The following ROBO1 variants were observed in gnomAD, a reference collection of about 807,000 sequenced individuals.
ROBO1 encodes the protein roundabout guidance receptor 1, also known as roundabout homolog 1.
A neutral mutation model predicts 195.9 loss-of-function variants in ROBO1; 149 were observed. That is an observed-to-expected ratio of 0.76 (90% CI 0.67 to 0.87). The LOEUF (loss-of-function observed/expected upper bound fraction) is 0.87, where lower values mean the gene tolerates loss of function less well. Among genes scored for constraint, ROBO1 ranks in the 40% least tolerant of loss-of-function variants. The pLI is 0.00. For synonymous variants in ROBO1, 816 were observed against 733.2 expected (o/e 1.11, Z -1.82); for missense variants, 1,933 against 2,068.3 (o/e 0.93, Z 1.27).
chr3:79,764,707 C>T (rs1273781204), intron 1 of ROBO1, among the ~76,000 whole-genome samples: 1 of 152,210 alleles, frequency 6.6e-6, no homozygotes, highest in Non-Finnish European at 1.5e-5. Context: ...TAGCTAAGCA[C>T]AACACTACTT....
chr3:79,197,293 G>T (rs2081656457), intron 2 of ROBO1, among the ~76,000 whole-genome samples: 1 of 151,884 alleles, frequency 6.6e-6, no homozygotes, highest in Non-Finnish European at 1.5e-5. Flanking sequence ...GAAGGGTTTG[G>T]TTTTCTGTCC....
chr3:79,377,025 T>C (rs977572233), intron 2 of ROBO1, among the ~76,000 whole-genome samples: 10 of 150,142 alleles, frequency 6.7e-5, no homozygotes, highest in African/African-American at 2.5e-4. Context: ...AGCAAATATA[T>C]AGCAGAGCTC....
rs549335625 is a variant in ROBO1 at position 79,699,580 on chromosome 3, T to C, written c.-51+68172A>G. Among the ~76,000 whole-genome samples, 4 of 151,822 alleles carry C rather than the reference T, an allele frequency of 2.6e-5. No homozygotes were observed. In the East Asian group the frequency reaches 5.8e-4, roughly 22 times the overall value. The stretch of plus-strand genomic sequence containing the variant: ...CCTACCAGGGGTACAATTTTTGCAA[T>C]TATCCTGAGTCCATAGGTGAGGATT... On this transcript the variant is annotated intron_variant, in intron 1 of 30. Transcript: ENST00000464233.
intron 5 of ROBO1, among the ~76,000 whole-genome samples, chr3:78,727,393 G>A (rs1485646299): frequency 2.6e-5 from 4 of 152,094 alleles, no homozygotes; most frequent in Admixed American, 1.3e-4. Context: ...CTGGGAGGCC[G>A]AGGCGGGCGG....
At chr3:79,626,837 A>C (rs549509942) in intron 1 of ROBO1, among the ~76,000 whole-genome samples, 1 of 152,312 alleles carries the variant, frequency 6.6e-6, no homozygotes, top group South Asian at 2.1e-4. Flanking sequence ...CAAAAGTCAC[A>C]AGCATTCCTT....
At chr3:79,361,864 A>G (rs6802848) in intron 2 of ROBO1, among the ~76,000 whole-genome samples, 90,093 of 151,904 alleles carry the variant, frequency 0.59, 27,790 homozygotes, top group African/African-American at 0.77. Flanking sequence ...GCATAATTAG[A>G]AAATTTTAAT....
At chr3:79,202,467 C>T (rs2081784424) in intron 2 of ROBO1, among the ~76,000 whole-genome samples, 1 of 152,020 alleles carries the variant, frequency 6.6e-6, no homozygotes, top group South Asian at 2.1e-4. Flanking sequence ...TATATTATCA[C>T]TTCCACAATT....
chr3:79,316,971 T>C (rs942750784), intron 2 of ROBO1, among the ~76,000 whole-genome samples: 1 of 152,184 alleles, frequency 6.6e-6, no homozygotes, highest in Non-Finnish European at 1.5e-5. Context: ...TGTCATTGCA[T>C]GTTGCAAAAC....
At chr3:79,386,910 A>G (rs1385678840) in intron 2 of ROBO1, among the ~76,000 whole-genome samples, 1 of 152,110 alleles carries the variant, frequency 6.6e-6, no homozygotes, top group Non-Finnish European at 1.5e-5. Context: ...AAAAAAAGAG[A>G]AGAAAATTAA....
At chr3:79,401,982 C>A (rs896386950) in intron 2 of ROBO1, among the ~76,000 whole-genome samples, 1 of 151,736 alleles carries the variant, frequency 6.6e-6, no homozygotes, top group African/African-American at 2.4e-5. Context: ...GCTTATGTAA[C>A]ATTGGTAACT....
intron 4 of ROBO1, among the ~76,000 whole-genome samples, chr3:78,869,970 G>C (rs1436273768): frequency 6.6e-6 from 1 of 151,972 alleles, no homozygotes; most frequent in Non-Finnish European, 1.5e-5. Context: ...TAAAAAACTT[G>C]GATTGCATTT....
intron 3 of ROBO1, among the ~76,000 whole-genome samples, chr3:79,035,013 T>C (rs1213573878): frequency 6.6e-6 from 1 of 152,044 alleles, no homozygotes; most frequent in South Asian, 2.1e-4. Context: ...ACTTTTAGAA[T>C]AAAAATAAGA....
intron 26 of ROBO1, among the ~76,000 whole-genome samples, chr3:78,624,313 A>G (rs1297915654): frequency 6.6e-6 from 1 of 152,176 alleles, no homozygotes; most frequent in Non-Finnish European, 1.5e-5. Flanking sequence ...TATAGTAAAC[A>G]TATAGAATAT....
At chr3:79,034,612 TTTC>T (rs1559609558) in intron 3 of ROBO1, among the ~76,000 whole-genome samples, 3 of 152,172 alleles carry the variant, frequency 2.0e-5, no homozygotes, top group African/African-American at 7.2e-5. Context: ...GAGGTCTAAA[TTTC>T]TAATAAAATA....
chr3:79,624,687 A>C (rs1945114294), intron 1 of ROBO1, among the ~76,000 whole-genome samples: 1 of 152,216 alleles, frequency 6.6e-6, no homozygotes, highest in African/African-American at 2.4e-5. Flanking sequence ...AGGACCACCC[A>C]GATCCATAAA....
rs1018168409 is a variant in ROBO1 at position 78,726,857 on chromosome 3, G to A, written c.658-8974C>T. Among the ~76,000 whole-genome samples, 3 of 152,022 alleles carry A rather than the reference G, an allele frequency of 2.0e-5. No homozygotes were observed. In the East Asian group the frequency reaches 5.8e-4, roughly 29 times the overall value. On this transcript the variant is annotated intron_variant, in intron 5 of 30. Transcript: ENST00000464233. ...TTGAAGAAGAGTCACAACAATAACG[G>A]CTTTTCTTTCTTTAAATTTTGGCAT...
At chr3:79,137,943 C>A (rs1411597946) in intron 2 of ROBO1, among the ~76,000 whole-genome samples, 1 of 151,916 alleles carries the variant, frequency 6.6e-6, no homozygotes, top group Non-Finnish European at 1.5e-5. Flanking sequence ...AAGCATATCA[C>A]CAGAACTTCT....
chr3:79,251,601 A>C (rs942153612), intron 2 of ROBO1, among the ~76,000 whole-genome samples: 41 of 152,130 alleles, frequency 2.7e-4, no homozygotes, highest in African/African-American at 9.4e-4. Flanking sequence ...AAATACAAAA[A>C]TTAGCTGGGC....
intron 4 of ROBO1, among the ~76,000 whole-genome samples, chr3:78,762,297 G>A (rs2083125249): frequency 6.6e-6 from 1 of 151,950 alleles, no homozygotes; most frequent in South Asian, 2.1e-4. Context: ...TGAGCAAAAA[G>A]TTGAGTCATA....
Sources: allele counts gnomAD v4.1 joint callset (sites outside exome capture counted in the v4.1 genomes callset), GRCh38; gene constraint gnomAD v4.1.1; transcripts MANE v1.5; gene names NCBI Gene and HGNC (gene_info 2026-07-23, HGNC 2026-07-21).